PRKG1: variants seen among roughly 807,000 people sequenced by gnomAD.
PRKG1 encodes protein kinase cGMP-dependent 1.
PRKG1 carries 35 observed loss-of-function variants against 88.1 expected under a neutral mutation model. That is an observed-to-expected ratio of 0.40 (90% confidence interval 0.30 to 0.53). The LOEUF (loss-of-function observed/expected upper bound fraction) is 0.53. Among genes scored for constraint, PRKG1 ranks in the 20% least tolerant of loss-of-function variants. The probability of loss-of-function intolerance (pLI) is 0.59; values close to 1 mark genes in which losing one functional copy is unlikely to be tolerated. For synonymous variants in PRKG1, 303 were observed against 292.5 expected (o/e 1.04, Z -0.37); for missense variants, 540 against 839.8 (o/e 0.64, Z 4.41).
chr10:51,197,375 C>T (rs754408260), intron 2 of PRKG1, among the ~76,000 whole-genome samples: 17 of 152,016 alleles, frequency 1.1e-4, no homozygotes, highest in Non-Finnish European at 2.1e-4. Context: ...TGTGTTCAAG[C>T]GATTCTCCTG....
chr10:51,969,318 G>T (rs1315545844), intron 5 of PRKG1, among the ~76,000 whole-genome samples: 1 of 152,018 alleles, frequency 6.6e-6, no homozygotes, highest in African/African-American at 2.4e-5. Flanking sequence ...TCATAACTTT[G>T]TGAGAAAGAA....
intron 4 of PRKG1, among the ~76,000 whole-genome samples, chr10:51,843,838 C>G (rs367667414): frequency 6.6e-6 from 1 of 152,152 alleles, no homozygotes; most frequent in East Asian, 1.9e-4. Context: ...TACCCCCACA[C>G]ACACATTTTA....
At chr10:51,764,471 A>G (rs1200700682) in intron 3 of PRKG1, among the ~76,000 whole-genome samples, 2 of 152,130 alleles carry the variant, frequency 1.3e-5, no homozygotes, top group African/African-American at 2.4e-5. Context: ...ATCAAGGTCA[A>G]TCTTGCTCTG....
At chr10:51,411,537 C>T (rs117744777) in intron 2 of PRKG1, among the ~76,000 whole-genome samples, 2,210 of 152,070 alleles carry the variant, frequency 0.015, 41 homozygotes, top group Admixed American at 0.049. Flanking sequence ...GGCAGGGGGA[C>T]GAGGTGGAGA....
chr10:52,027,008 A>G (rs777299737), intron 5 of PRKG1, among the ~76,000 whole-genome samples: 1 of 151,428 alleles, frequency 6.6e-6, no homozygotes, highest in Non-Finnish European at 1.5e-5. Flanking sequence ...ATTTCGTGAT[A>G]TATGAATTAT....
At chr10:52,144,389 AT>A (rs1837671121) in intron 8 of PRKG1, among the ~76,000 whole-genome samples, 1 of 152,208 alleles carries the variant, frequency 6.6e-6, no homozygotes, top group Non-Finnish European at 1.5e-5. Flanking sequence ...TTGGAACTGT[AT>A]TTTGTATCTG....
intron 3 of PRKG1, among the ~76,000 whole-genome samples, chr10:51,481,588 A>C (rs1460663783): frequency 1.3e-5 from 2 of 152,186 alleles, no homozygotes; most frequent in Non-Finnish European, 2.9e-5. Context: ...TTTAGTGTAC[A>C]TTAATTTAAA....
intron 4 of PRKG1, among the ~76,000 whole-genome samples, chr10:51,870,084 T>TA (rs994791543): frequency 1.3e-5 from 2 of 152,030 alleles, no homozygotes; most frequent in Admixed American, 6.6e-5. Context: ...TTTCCAAGTT[T>TA]AAAAAAAAGT....
At chr10:51,207,145 T>C (rs111860860) in intron 2 of PRKG1, among the ~76,000 whole-genome samples, 2,750 of 152,290 alleles carry the variant, frequency 0.018, 42 homozygotes, top group Middle Eastern at 0.051. Context: ...GGCTGGGAAT[T>C]AGCCAGGGCA....
At chr10:51,591,520 T>C (rs1217145532) in intron 3 of PRKG1, among the ~76,000 whole-genome samples, 1 of 152,216 alleles carries the variant, frequency 6.6e-6, no homozygotes, top group Admixed American at 6.5e-5. Flanking sequence ...TTGTTAGAAC[T>C]GGAGAAATAG....
rs765051220 is a variant in PRKG1 at position 51,683,867 on chromosome 10, A to T, written c.593-120718A>T. Among the ~76,000 whole-genome samples the T allele has an allele frequency of 4.3e-4, 66 of 152,194 alleles. 1 individual carries two copies. The highest frequency in any genetic ancestry group is 8.8e-5 in the Non-Finnish European group (6 of 68,032). Reference sequence around the variant, plus strand: ...TCACAACTTTGTTACAAAAAAACAGAATCAGATTGGTCTATTGCAGTTACA... The same window carrying T: ...TCACAACTTTGTTACAAAAAAACAGTATCAGATTGGTCTATTGCAGTTACA... On this transcript the variant is annotated intron_variant, in intron 3 of 17. Transcript: ENST00000373980.
intron 3 of PRKG1, among the ~76,000 whole-genome samples, chr10:51,587,618 A>G (rs7084562): frequency 0.074 from 11,209 of 152,218 alleles, 1,381 homozygotes; most frequent in African/African-American, 0.25. Flanking sequence ...ATAGCTTCAC[A>G]TGGTAGGATT....
intron 3 of PRKG1, among the ~76,000 whole-genome samples, chr10:51,535,119 A>G (rs920274869): frequency 1.4e-4 from 22 of 152,170 alleles, no homozygotes; most frequent in Admixed American, 3.3e-4. Flanking sequence ...TAGTCAATCT[A>G]TTTTATTTAA....
chr10:52,014,453 G>A (rs183483388), intron 5 of PRKG1, among the ~76,000 whole-genome samples: 3 of 152,192 alleles, frequency 2.0e-5, no homozygotes, highest in African/African-American at 7.2e-5. Context: ...ACCCCCATCA[G>A]GTCTTGTCCT....
chr10:51,978,027 G>T (rs2133102766), intron 5 of PRKG1, among the ~76,000 whole-genome samples: 1 of 152,064 alleles, frequency 6.6e-6, no homozygotes, highest in Non-Finnish European at 1.5e-5. Flanking sequence ...TGGCATCTTT[G>T]TCATGAAATC....
chr10:51,384,807 G>A (rs911497349), intron 2 of PRKG1, among the ~76,000 whole-genome samples: 5 of 152,132 alleles, frequency 3.3e-5, no homozygotes, highest in East Asian at 1.9e-4. Context: ...GGAATTCCCC[G>A]TAGCTCTTAT....
At chr10:51,173,732 A>C (rs1001699222) in intron 2 of PRKG1, among the ~76,000 whole-genome samples, 1 of 151,890 alleles carries the variant, frequency 6.6e-6, no homozygotes, top group African/African-American at 2.4e-5. Context: ...CTTTCTAAAA[A>C]ATACCCATCC....
chr10:51,924,568 GT>G (rs570448352), intron 5 of PRKG1, among the ~76,000 whole-genome samples: 109 of 152,014 alleles, frequency 7.2e-4, no homozygotes, highest in African/African-American at 2.4e-3. Context: ...TGGATTTGTG[GT>G]TTTGTGTCTG....
chr10:52,157,552 T>G (rs539466383), intron 8 of PRKG1, among the ~76,000 whole-genome samples: 12 of 151,364 alleles, frequency 7.9e-5, no homozygotes, highest in African/African-American at 2.9e-4. Context: ...TTCAGAAGAA[T>G]GTTTTGCCTT....
Sources: allele counts gnomAD v4.1 joint callset (sites outside exome capture counted in the v4.1 genomes callset), GRCh38; gene constraint gnomAD v4.1.1; transcripts MANE v1.5; gene names NCBI Gene and HGNC (gene_info 2026-07-23, HGNC 2026-07-21).